The following RBFOX1 variants were observed in gnomAD, a reference collection of about 807,000 sequenced individuals.
RBFOX1 encodes RNA binding protein fox-1 homolog 1.
Under a neutral mutation model 57.7 loss-of-function variants are expected in RBFOX1, and 8 were observed. That is an observed-to-expected ratio of 0.14 (90% CI 0.08 to 0.25). RBFOX1 has a LOEUF of 0.25. Among genes scored for constraint, RBFOX1 ranks in the 10% least tolerant of loss-of-function variants. The pLI is 1.00. For synonymous variants in RBFOX1, 326 were observed against 222.4 expected, an observed-to-expected ratio of 1.47 and a Z score of -4.15; for missense variants, 611 against 548.5, an observed-to-expected ratio of 1.11 and a Z score of -1.14.
chr16:7,570,341 T>C (rs927879405), intron 5 of RBFOX1, among the ~76,000 whole-genome samples: 2 of 152,144 alleles, frequency 1.3e-5, no homozygotes, highest in African/African-American at 4.8e-5. Context: ...TTGCTACAGT[T>C]CTTATTTTAT....
intron 3 of RBFOX1, among the ~76,000 whole-genome samples, chr16:6,656,630 A>ACACACACACC (rs57532246): frequency 6.7e-6 from 1 of 150,040 alleles, no homozygotes; most frequent in Non-Finnish European, 1.5e-5. Flanking sequence ...ACACACACAC[A>ACACACACACC]CTTCTAGTTT....
intron 4 of RBFOX1, among the ~76,000 whole-genome samples, chr16:7,422,177 T>C (rs957049830): frequency 4.6e-5 from 7 of 152,138 alleles, no homozygotes; most frequent in Admixed American, 1.3e-4. Context: ...TGTGTGCGTG[T>C]GCTTGTGCGA....
intron 2 of RBFOX1, among the ~76,000 whole-genome samples, chr16:6,557,215 C>G (rs1185474448): frequency 1.3e-5 from 2 of 149,702 alleles, no homozygotes; most frequent in Admixed American, 1.3e-4. Context: ...AACAATCTGG[C>G]AAAACAGACA....
chr16:7,326,361 T>C (rs1453124780), intron 4 of RBFOX1, among the ~76,000 whole-genome samples: 2 of 152,128 alleles, frequency 1.3e-5, no homozygotes, highest in Admixed American at 6.6e-5. Context: ...AGACCTGGCA[T>C]ATGACTGCTT....
chr16:6,776,113 C>G (rs575355600), intron 3 of RBFOX1: 1 of 152,434 alleles, frequency 6.6e-6, no homozygotes, highest in Non-Finnish European at 1.5e-5. Context: ...AAAAGAAGTA[C>G]AAGAAAGAAT....
intron 3 of RBFOX1, among the ~76,000 whole-genome samples, chr16:6,676,904 G>A (rs2057818454): frequency 6.6e-6 from 1 of 151,832 alleles, no homozygotes; most frequent in Non-Finnish European, 1.5e-5. Context: ...TTGAACCCTT[G>A]ACCTCAGGTG....
chr16:6,362,569 C>A (rs1023249790), intron 2 of RBFOX1, among the ~76,000 whole-genome samples: 1 of 152,184 alleles, frequency 6.6e-6, no homozygotes, highest in Admixed American at 6.5e-5. Flanking sequence ...CTGACAGCAG[C>A]TTTCTGTTAC....
intron 3 of RBFOX1, among the ~76,000 whole-genome samples, chr16:6,999,995 C>G (rs964245402): frequency 6.0e-5 from 9 of 150,956 alleles, no homozygotes; most frequent in Non-Finnish European, 1.3e-4. Flanking sequence ...TTGCTTGGAC[C>G]TAGCAGGCAG....
At chr16:5,969,119 C>G (rs2059908895) in intron 4 of RBFOX1, among the ~76,000 whole-genome samples, 1 of 151,916 alleles carries the variant, frequency 6.6e-6, no homozygotes, top group Non-Finnish European at 1.5e-5. Context: ...TTTTCCATTT[C>G]TTGTATCCCT....
At chr16:6,490,396 A>G (rs118049671) in intron 2 of RBFOX1, among the ~76,000 whole-genome samples, 1 of 152,174 alleles carries the variant, frequency 6.6e-6, no homozygotes, top group South Asian at 2.1e-4. Context: ...CTTGTCAAGA[A>G]TATGTATGGG....
intron 1 of RBFOX1, among the ~76,000 whole-genome samples, chr16:6,255,934 A>G (rs1354913325): frequency 6.6e-6 from 1 of 151,344 alleles, no homozygotes; most frequent in Non-Finnish European, 1.5e-5. Context: ...ACAAATACCT[A>G]ATGCATGCGG....
At chr16:6,838,252 G>C (rs1269996760) in intron 3 of RBFOX1, among the ~76,000 whole-genome samples, 1 of 151,626 alleles carries the variant, frequency 6.6e-6, no homozygotes, top group African/African-American at 2.4e-5. Context: ...TTGTTCATCT[G>C]CCACTTAAGA....
intron 2 of RBFOX1, among the ~76,000 whole-genome samples, chr16:6,490,493 G>A (rs1035469077): frequency 1.3e-5 from 2 of 152,316 alleles, no homozygotes; most frequent in African/African-American, 4.8e-5. Context: ...CATACCAGCT[G>A]TCCTCAGCTT....
intron 1 of RBFOX1, among the ~76,000 whole-genome samples, chr16:5,299,023 C>T (rs1223674896): frequency 1.4e-5 from 2 of 140,896 alleles, no homozygotes; most frequent in Admixed American, 7.3e-5. Context: ...AACCATCATG[C>T]CAAACAAAAT....
chr16:6,001,202 C>G (rs1330444455), intron 4 of RBFOX1, among the ~76,000 whole-genome samples: 1 of 152,184 alleles, frequency 6.6e-6, no homozygotes, highest in Non-Finnish European at 1.5e-5. Context: ...GCACAGCATG[C>G]TTTGCCACAT....
chr16:6,655,984 G>A (rs893124946), intron 3 of RBFOX1, among the ~76,000 whole-genome samples: 1 of 152,210 alleles, frequency 6.6e-6, no homozygotes, highest in Admixed American at 6.5e-5. Flanking sequence ...TAATGATACA[G>A]TAAGTTCAAT....
chr16:7,271,334 G>A (rs1049918060), intron 4 of RBFOX1, among the ~76,000 whole-genome samples: 1 of 151,630 alleles, frequency 6.6e-6, no homozygotes, highest in African/African-American at 2.4e-5. Flanking sequence ...GCAACAACTG[G>A]ATCTTTGTTA....
At chr16:5,775,996 G>T (rs1044773685) in intron 3 of RBFOX1, among the ~76,000 whole-genome samples, 4 of 152,084 alleles carry the variant, frequency 2.6e-5, no homozygotes, top group African/African-American at 7.2e-5. Flanking sequence ...ACATCACCTG[G>T]CCCAGGCTGC....
chr16:6,130,848 A>G (rs1284522915), intron 1 of RBFOX1, among the ~76,000 whole-genome samples: 1 of 152,140 alleles, frequency 6.6e-6, no homozygotes, highest in East Asian at 1.9e-4. Flanking sequence ...GTATGCTGCT[A>G]ATAAACAGCT....
Sources: gnomAD v4.1 joint callset for allele counts (sites outside exome capture counted in the v4.1 genomes callset) on GRCh38, gnomAD v4.1.1 for gene constraint, MANE v1.5 for transcripts, NCBI Gene and HGNC (gene_info 2026-07-23, HGNC 2026-07-21) for gene names.